MYO1C: variants seen among roughly 807,000 people sequenced by gnomAD.
MYO1C encodes the protein myosin IC.
In MYO1C, 104 loss-of-function variants were observed where a neutral mutation model predicts 150.8. That is an observed-to-expected ratio of 0.69 (90% confidence interval 0.59 to 0.81). The LOEUF (loss-of-function observed/expected upper bound fraction) is 0.81. Ranked by LOEUF, MYO1C falls within the 30% of genes least tolerant of loss-of-function variation. MYO1C has a pLI of 0.00. For missense variants in MYO1C, 1,504 were observed against 1,435.0 expected, an observed-to-expected ratio of 1.05 and a Z score of -0.78; for synonymous variants, 663 against 579.9, an observed-to-expected ratio of 1.14 and a Z score of -2.06.
rs1376282115 is a variant in MYO1C, at chr17:1,470,185, G to T, written c.2516C>A (p.Ala839Asp). ...LDTSWPTPPP[A>D]LREASELLRE... The stretch of plus-strand genomic sequence containing the variant: ...GGGGTGCCCACAGACCTCACGCAGG[G>T]CAGGTGGGGGCGTGGGCCACGAGGT... Residue 839 changes from alanine (A) to aspartate (D), a missense_variant, in exon 24 of 32, where the codon GCC (alanine) becomes GAC (aspartate). Physicochemically the swap from Ala to Asp is moderately radical, Grantham distance 126. Coordinates refer to ENST00000648651, the MANE Select transcript of MYO1C (RefSeq NM_001080779.2). 2 of 1,610,538 alleles carry T rather than the reference G, an allele frequency of 1.2e-6. No individual in the cohort carries two copies. Among genetic ancestry groups the T allele is most frequent in the Non-Finnish European group, 1.7e-6 (2 of 1,179,112 alleles).
chr17:1,483,969 G>C (rs1024046694), intron 2 of MYO1C, among the ~76,000 whole-genome samples, 179 bp downstream of exon 2: 6 of 152,032 alleles, frequency 3.9e-5, no homozygotes, highest in African/African-American at 1.2e-4. Context: ...TTGAACCCGG[G>C]GGGAGGAGGT....
Position 1,483,593 on chromosome 17 carries a change from G to A in MYO1C, c.347+17C>T, listed in dbSNP as rs773784283. 4.5e-5 allele frequency: 71 copies of A among 1,586,910 alleles called. No homozygotes were observed. The highest frequency in any genetic ancestry group is 1.4e-4 in the Admixed American group (8 of 56,816). On this transcript the variant is annotated intron_variant, in intron 3 of 31. Coordinates refer to ENST00000648651, the MANE Select transcript of MYO1C (RefSeq NM_001080779.2). ...GGAGACAGAGGGGTCGCTCCCGGAGGGGCTGGGGTCACTCACAGGTGAGGG... is the reference window on the plus strand; with the variant it reads ...GGAGACAGAGGGGTCGCTCCCGGAGAGGCTGGGGTCACTCACAGGTGAGGG...
chr17:1,489,593 T>C (rs949972633), intron 1 of MYO1C, among the ~76,000 whole-genome samples: 49 of 151,992 alleles, frequency 3.2e-4, no homozygotes, highest in African/African-American at 1.0e-3. Context: ...GGTGGGAGGA[T>C]TGCTTGAGCC....
chr17:1,489,391 C>T (rs2074704708), intron 1 of MYO1C, among the ~76,000 whole-genome samples: 1 of 152,202 alleles, frequency 6.6e-6, no homozygotes. Context: ...TGAACAGAGG[C>T]AAGGTGCAGT....
chr17:1,468,493 G>T lies in MYO1C; in HGVS notation c.2614C>A (p.Gln872Lys). The T allele has an allele frequency of 1.9e-6, 3 of 1,613,244 alleles. No homozygotes were observed. Among genetic ancestry groups the T allele is most frequent in the Non-Finnish European group, 2.5e-6 (3 of 1,179,422 alleles). The change falls in exon 26 of 32, where the codon CAG becomes AAG. Residue 872 changes from glutamine (Q) to lysine (K), a missense_variant. By Grantham distance (53) the Gln-to-Lys change is moderately conservative. Coordinates refer to ENST00000648651, the MANE Select transcript of MYO1C (RefSeq NM_001080779.2). ...SISPEWKQQL[Q>K]QKAVASEIFK... ...ATCTCACTAGCCACGGCCTTCTGCT[G>T]CAGCTGAGGAGACAAGGGGGGTGAG...
In MYO1C at chr17:1,474,826, G is replaced by A. The variant is rs376073449; in HGVS notation, c.1702C>T (p.Arg568Trp). ...FLDKNNDLLF[R>W]NLKETMCSSK... is the part of the protein sequence containing the mutation. ...GTCCTCCTCACCTCCTTAAGGTTCC[G>A]GAAGAGAAGGTCATTGTTTTTGTCC... Residue 568 changes from arginine (R) to tryptophan (W), a missense_variant, in exon 16 of 32, where the codon CGG becomes TGG. Coordinates refer to ENST00000648651, the MANE Select transcript of MYO1C (RefSeq NM_001080779.2). The A allele has an allele frequency of 3.2e-5, 51 of 1,612,718 alleles. No homozygotes were observed. The highest frequency in any genetic ancestry group is 2.0e-4 in the South Asian group (18 of 91,036).
At chr17:1,484,031 A>G (rs2074596670) in intron 2 of MYO1C, 117 bp downstream of exon 2, 2 of 1,330,300 alleles carry the variant, frequency 1.5e-6, no homozygotes, top group East Asian at 5.0e-5. Context: ...AACAAGAGTG[A>G]AACTGTCTCA....
At chr17:1,474,314 G>A (rs2074358390) in intron 17 of MYO1C, among the ~76,000 whole-genome samples, 1 of 151,878 alleles carries the variant, frequency 6.6e-6, no homozygotes, top group Admixed American at 6.6e-5. Context: ...TGTAATCCCA[G>A]CTACTCAGGA....
At chr17:1,470,958 G>T in intron 21 of MYO1C, 113 bp downstream of exon 21, 3 of 1,214,584 alleles carry the variant, frequency 2.5e-6, no homozygotes, top group East Asian at 2.5e-5. Context: ...GCTGGGCGTG[G>T]GGCTGGAGCT....
At chr17:1,485,108 GA>G (rs2074624832) in intron 1 of MYO1C, 1 of 1,234,388 alleles carries the variant, frequency 8.1e-7, no homozygotes, top group Non-Finnish European at 1.0e-6. Context: ...AGCCTCAGGG[GA>G]TGGGGGCTTT....
rs1421881825 is a variant in MYO1C at position 1,477,695 on chromosome 17, G to A, written c.1483-99C>T. On this transcript the variant is annotated intron_variant, in intron 13 of 31. Coordinates refer to ENST00000648651, the MANE Select transcript of MYO1C (RefSeq NM_001080779.2). ...CTGGGAGGCACAGACACAGGGGAGG[G>A]GCAGATCACAGGGAGTCTCCACAGA... 1.0e-5 allele frequency: 11 copies of A among 1,072,740 alleles called. No individual in the cohort carries two copies. The African/African-American group carries it at 1.6e-4, about 15-fold the overall frequency. The allele number at this position is 1,072,740 out of a possible 1,614,324, so 66.5% of individuals were successfully genotyped here.
rs1205496272 is a variant in MYO1C at position 1,478,338 on chromosome 17, G to C, written c.1295+72C>G. 11 of 1,594,736 alleles carry C rather than the reference G, an allele frequency of 6.9e-6. No homozygotes were observed. The highest frequency in any genetic ancestry group is 9.5e-6 in the Non-Finnish European group (11 of 1,162,632). On this transcript the variant is annotated intron_variant, in intron 11 of 31. Coordinates refer to ENST00000648651, the MANE Select transcript of MYO1C (RefSeq NM_001080779.2). The surrounding 1 kb of genome is among the most constrained non-coding windows in gnomAD (Gnocchi z 6.3). Reference sequence around the variant, plus strand: ...CTGGGGAGTCACAGGGCAGGAATGAGAGGCTGGAGGACAGAAGAGAGGGAG... The same window carrying C: ...CTGGGGAGTCACAGGGCAGGAATGACAGGCTGGAGGACAGAAGAGAGGGAG...
rs374361883 is a variant in MYO1C at position 1,478,648 on chromosome 17, C to G, written c.1180G>C (p.Val394Leu). 6.2e-7 allele frequency: 1 copy of G among 1,614,154 alleles called. No homozygotes were observed. Among genetic ancestry groups the G allele is most frequent in the Admixed American group, 1.7e-5 (1 of 60,028 alleles). ...GCCAGCGACCTGTTGATCTTCCCGA[C>G]GAGCCAGGTAAAAGTGCGGCTGTAC... is the stretch of plus-strand genomic sequence containing the variant. ...AVYSRTFTWL[V>L]GKINRSLASK... Residue 394 changes from valine to leucine, a missense_variant, in exon 10 of 32, where the codon GTC becomes CTC. Physicochemically the swap from Val to Leu is conservative, Grantham distance 32. Transcript: ENST00000648651. The surrounding 1 kb of genome is among the most constrained non-coding windows in gnomAD (Gnocchi z 6.3).
At position 1,465,231 on chromosome 17, in the gene MYO1C, A is replaced by G. The variant is rs146109048; in HGVS notation, c.*495T>C. 489 of 153,052 alleles carry G rather than the reference A, an allele frequency of 3.2e-3. No individual in the cohort carries two copies. Among genetic ancestry groups the G allele is most frequent in the Non-Finnish European group, 5.4e-3 (371 of 68,382 alleles). The allele number at this position is 153,052 out of a possible 1,614,324, so 9.5% of individuals were successfully genotyped here. On this transcript the variant is annotated 3_prime_UTR_variant, in exon 32 of 32. Transcript: ENST00000648651. Reference sequence around the variant, plus strand: ...GGCAGGCAGGGAGACAGGTAAACAGACAGAAAGACAAGGTGCCAAGGGAAT... The same window carrying G: ...GGCAGGCAGGGAGACAGGTAAACAGGCAGAAAGACAAGGTGCCAAGGGAAT...
chr17:1,469,371 G>A (rs45603038), intron 25 of MYO1C, 160 bp downstream of exon 25: 1 of 590,246 alleles, frequency 1.7e-6, no homozygotes, highest in Non-Finnish European at 3.0e-6. Flanking sequence ...GGGGTAAATA[G>A]AGTAGACCAG....
In MYO1C at chr17:1,482,493, C is replaced by T. The variant is rs1166322101; in HGVS notation, c.612G>A (p.Val204=). ...TCCATGGTACCTTGAAGTCAAACTG[C>T]ACATCCATGTACTTCCCGAACCTGC... ...NSSRFGKYMD[V]QFDFKGAPVG... is the part of the protein sequence containing the mutation. Residue 204 remains valine (V), a synonymous_variant, in exon 5 of 32, where the codon GTG becomes GTA. Transcript: ENST00000648651. 6.2e-7 allele frequency: 1 copy of T among 1,614,078 alleles called. No individual in the cohort carries two copies. Among genetic ancestry groups the T allele is most frequent in the Admixed American group, 1.7e-5 (1 of 60,028 alleles).
rs1030669445 is a variant in MYO1C at position 1,492,483 on chromosome 17, G to A, written c.5C>T (p.Ala2Val). 6.2e-7 allele frequency: 1 copy of A among 1,601,438 alleles called. No homozygotes were observed. Among genetic ancestry groups the A allele is most frequent in the Non-Finnish European group, 8.5e-7 (1 of 1,174,454 alleles). The change falls in exon 1 of 32, where the codon GCG becomes GTG. Residue 2 changes from alanine (A) to valine (V), a missense_variant. Coordinates refer to ENST00000648651, the MANE Select transcript of MYO1C (RefSeq NM_001080779.2). Reference protein sequence around the residue: MALQVELVPTGE... With the variant: MVLQVELVPTGE... ...GGTGGGTACCAGCTCCACTTGCAGC[G>A]CCATTCCGCCCTGCGGAGAGCCAGC...
chr17:1,466,153 CTTTTTTTTT>C (rs71148490), intron 31 of MYO1C, among the ~76,000 whole-genome samples: 1 of 91,608 alleles, frequency 1.1e-5, no homozygotes. Flanking sequence ...GCCGTGCTGC[CTTTTTTTTT>C]TTTTTTTTTT....
intron 5 of MYO1C, among the ~76,000 whole-genome samples, chr17:1,482,065 G>C (rs994690769): frequency 6.6e-6 from 1 of 151,808 alleles, no homozygotes; most frequent in Non-Finnish European, 1.5e-5. Flanking sequence ...ATTTTTTTTA[G>C]AGACAGGGTC....
Sources: allele counts gnomAD v4.1 joint callset (sites outside exome capture counted in the v4.1 genomes callset), GRCh38; gene constraint gnomAD v4.1.1; non-coding constraint Gnocchi (gnomAD v3.1); transcripts MANE v1.5; gene names NCBI Gene and HGNC (gene_info 2026-07-23, HGNC 2026-07-21).